PRKCZ: variants seen among roughly 807,000 people sequenced by gnomAD.
PRKCZ encodes the protein protein kinase C zeta.
In PRKCZ, 33 loss-of-function variants were observed where a neutral mutation model predicts 79.5. The observed-to-expected ratio is 0.41, with a 90% CI of 0.31 to 0.55. The LOEUF is 0.55. PRKCZ is among the 20% of genes least tolerant of loss of function. PRKCZ has a pLI of 0.19. For missense variants in PRKCZ, 578 were observed against 813.5 expected, an observed-to-expected ratio of 0.71 and a Z score of 3.52; for synonymous variants, 342 against 320.9, an observed-to-expected ratio of 1.07 and a Z score of -0.70.
At chr1:2,056,645 G>C (rs558752953) in intron 3 of PRKCZ, 72 bp downstream of exon 3, 80 of 1,379,298 alleles carry the variant, frequency 5.8e-5, no homozygotes, top group Non-Finnish European at 7.9e-5. Flanking sequence ...CGACTAGCTG[G>C]GGGATTTAAA....
rs765921805 is a variant in PRKCZ at position 2,150,823 on chromosome 1, A to G, written c.721A>G (p.Ile241Val). 3.7e-6 allele frequency: 6 copies of G among 1,614,032 alleles called. No individual in the cohort carries two copies. In the Admixed American group the frequency reaches 1.0e-4, roughly 27 times the overall value. ...LKPVIDGMDG[I>V]KISQGLGLQD... is the part of the protein sequence containing the mutation. ...GCCAGTTATCGATGGGATGGATGGA[A>G]TCAAAATCTCTCAGGGGCTTGGGCT... Residue 241 changes from isoleucine (I) to valine (V), a missense_variant, in exon 9 of 18, where the codon ATC becomes GTC. Coordinates refer to ENST00000378567, the MANE Select transcript of PRKCZ (RefSeq NM_002744.6).
At chr1:2,055,163 C>T (rs889333851) in intron 1 of PRKCZ, among the ~76,000 whole-genome samples, 7 of 151,908 alleles carry the variant, frequency 4.6e-5, no homozygotes, top group Non-Finnish European at 8.8e-5. Context: ...AGGATGGTCT[C>T]GATCTCCTGA....
intron 4 of PRKCZ, among the ~76,000 whole-genome samples, chr1:2,079,275 A>G (rs1009771737): frequency 1.3e-5 from 2 of 152,228 alleles, no homozygotes; most frequent in Admixed American, 1.3e-4. Context: ...CAGCACATTC[A>G]TGGCTGCGAG....
chr1:2,145,875 C>T (rs1477561012), intron 6 of PRKCZ, 152 bp from the exon 7 acceptor site: 1 of 652,226 alleles, frequency 1.5e-6, no homozygotes. Flanking sequence ...GTGATCGCGC[C>T]ACTGCTCTCC....
chr1:2,180,139 G>C (rs562017778), intron 16 of PRKCZ, among the ~76,000 whole-genome samples: 2 of 152,208 alleles, frequency 1.3e-5, no homozygotes, highest in Non-Finnish European at 2.9e-5. Flanking sequence ...CTCAAGCCTG[G>C]AGTGTGTAGA....
intron 16 of PRKCZ, among the ~76,000 whole-genome samples, chr1:2,179,866 CGTT>C (rs1686208560): frequency 6.6e-6 from 1 of 152,056 alleles, no homozygotes; most frequent in African/African-American, 2.4e-5. Flanking sequence ...AACCCAGCCA[CGTT>C]GTGTGCTGCG....
At chr1:2,154,145 G>T (rs1213821678) in intron 9 of PRKCZ, among the ~76,000 whole-genome samples, 1 of 152,216 alleles carries the variant, frequency 6.6e-6, no homozygotes, top group Non-Finnish European at 1.5e-5. Flanking sequence ...GTGGTGGCAG[G>T]TGAGGGGTGG....
At chr1:2,077,903 C>G (rs1662738935) in intron 4 of PRKCZ, among the ~76,000 whole-genome samples, 1 of 152,184 alleles carries the variant, frequency 6.6e-6, no homozygotes, top group Non-Finnish European at 1.5e-5. Context: ...GAGTGTTTAC[C>G]TAATTGCGGG....
In PRKCZ at chr1:2,086,748, C is replaced by T. The variant is rs552786998; in HGVS notation, c.334+27157C>T. Among the ~76,000 whole-genome samples, 6 of 152,330 alleles carry T rather than the reference C, an allele frequency of 3.9e-5. No homozygotes were observed. In the East Asian group the frequency reaches 7.7e-4, roughly 20 times the overall value. On this transcript the variant is annotated intron_variant, in intron 4 of 17. Coordinates refer to ENST00000378567, the MANE Select transcript of PRKCZ (RefSeq NM_002744.6). ...CAGTTCCCGCGGCAGCTCCCAGTGC[C>T]GCAGGCTCTTCTCTTCTCCACTTCT...
chr1:2,061,316 G>A (rs892380812), intron 4 of PRKCZ, among the ~76,000 whole-genome samples: 1 of 152,036 alleles, frequency 6.6e-6, no homozygotes, highest in Non-Finnish European at 1.5e-5. Flanking sequence ...CTACGACCTC[G>A]GCATTGCCTC....
At chr1:2,120,958 G>A (rs1010329462) in intron 4 of PRKCZ, among the ~76,000 whole-genome samples, 2 of 151,364 alleles carry the variant, frequency 1.3e-5, no homozygotes, top group Non-Finnish European at 2.9e-5. Flanking sequence ...GGATTACAGG[G>A]TCACACTACC....
At chr1:2,153,336 C>T (rs796482895) in intron 9 of PRKCZ, among the ~76,000 whole-genome samples, 3 of 152,380 alleles carry the variant, frequency 2.0e-5, no homozygotes, top group African/African-American at 7.2e-5. Context: ...GGCAGTAATG[C>T]TGTTGTCACC....
chr1:2,130,241 G>A (rs1436139599), intron 4 of PRKCZ, among the ~76,000 whole-genome samples: 2 of 152,200 alleles, frequency 1.3e-5, no homozygotes, highest in African/African-American at 2.4e-5. Flanking sequence ...CTGCCCTGCT[G>A]TCCGTTATCC....
intron 10 of PRKCZ, among the ~76,000 whole-genome samples, chr1:2,162,049 C>T (rs904881670): frequency 3.9e-5 from 6 of 152,308 alleles, no homozygotes; most frequent in Middle Eastern, 3.4e-3. Flanking sequence ...AGTTTTGCCT[C>T]GTTTTTCCTT....
chr1:2,175,666 A>G (rs754049259), intron 16 of PRKCZ, among the ~76,000 whole-genome samples: 24 of 151,568 alleles, frequency 1.6e-4, no homozygotes, highest in Admixed American at 5.2e-4. Flanking sequence ...GGTCTTTGAC[A>G]TGGCCCCACT....
chr1:2,087,862 C>T (rs185638842), intron 4 of PRKCZ, among the ~76,000 whole-genome samples: 294 of 152,290 alleles, frequency 1.9e-3, no homozygotes, highest in African/African-American at 6.8e-3. Context: ...TGTCCGGGCA[C>T]CGGGGGCAGC....
At chr1:2,137,887 G>A (rs377539101) in intron 5 of PRKCZ, among the ~76,000 whole-genome samples, 6 of 152,290 alleles carry the variant, frequency 3.9e-5, no homozygotes, top group Admixed American at 1.3e-4. Flanking sequence ...CCTTCTGGGC[G>A]TGTGAACGAG....
chr1:2,102,535 T>G (rs561398878), intron 4 of PRKCZ, among the ~76,000 whole-genome samples: 26 of 152,092 alleles, frequency 1.7e-4, no homozygotes, highest in African/African-American at 6.3e-4. Flanking sequence ...GGTTTCACTG[T>G]GTTAGCCGGG....
At chr1:2,069,296 C>T (rs568602547) in intron 4 of PRKCZ, among the ~76,000 whole-genome samples, 1 of 152,196 alleles carries the variant, frequency 6.6e-6, no homozygotes, top group East Asian at 1.9e-4. Context: ...GAGGCGTGGT[C>T]CAGGAGGTGA....
Sources: allele counts gnomAD v4.1 joint callset (sites outside exome capture counted in the v4.1 genomes callset), GRCh38; gene constraint gnomAD v4.1.1; transcripts MANE v1.5; gene names NCBI Gene and HGNC (gene_info 2026-07-23, HGNC 2026-07-21).